Variants in SYNPO2 observed in about 807,000 individuals in gnomAD.
SYNPO2 encodes the protein synaptopodin 2.
Under a neutral mutation model 85.0 loss-of-function variants are expected in SYNPO2, and 56 were observed. That is an observed-to-expected ratio of 0.66 (90% confidence interval 0.53 to 0.82). The LOEUF (loss-of-function observed/expected upper bound fraction) is 0.82, where lower values mean the gene tolerates loss of function less well. Ranked by LOEUF, SYNPO2 falls within the 40% of genes least tolerant of loss-of-function variation. SYNPO2 has a pLI of 0.00. For missense variants in SYNPO2, 1,575 were observed against 1,534.2 expected (o/e 1.03, Z -0.44); for synonymous variants, 602 against 591.1 (o/e 1.02, Z -0.27).
intron 1 of SYNPO2, among the ~76,000 whole-genome samples, chr4:119,010,467 G>T (rs773500262): frequency 3.1e-4 from 47 of 152,098 alleles, no homozygotes; most frequent in Non-Finnish European, 4.6e-4. Context: ...ACAATATGGG[G>T]GAACTACCCC....
chr4:119,047,689 T>A (rs2149199174), intron 4 of SYNPO2, among the ~76,000 whole-genome samples: 1 of 152,308 alleles, frequency 6.6e-6, no homozygotes, highest in Admixed American at 6.5e-5. Flanking sequence ...CTAAACCACC[T>A]CAAGGGAGCG....
intron 1 of SYNPO2, among the ~76,000 whole-genome samples, chr4:118,993,171 G>A (rs72671652): frequency 0.34 from 52,302 of 151,790 alleles, 9,065 homozygotes; most frequent in Admixed American, 0.4. Flanking sequence ...TCTGATTTTC[G>A]GAATTAATTA....
At chr4:119,034,536 G>A (rs1457989340) in intron 4 of SYNPO2, 2 of 985,500 alleles carry the variant, frequency 2.0e-6, no homozygotes, top group East Asian at 1.1e-4. Context: ...CTTGTAAGAG[G>A]CATGTCAGGC....
At chr4:118,994,563 G>A (rs941086474) in intron 1 of SYNPO2, among the ~76,000 whole-genome samples, 7 of 152,128 alleles carry the variant, frequency 4.6e-5, no homozygotes, top group African/African-American at 1.7e-4. Context: ...GAATCGCTGA[G>A]TTTGAGTACT....
Position 119,034,224 on chromosome 4 carries a change from T to G in SYNPO2, c.3252+2197T>G, listed in dbSNP as rs572233644. 3 of 985,464 alleles carry G rather than the reference T, an allele frequency of 3.0e-6. No individual in the cohort carries two copies. The Admixed American group carries it at 1.8e-4, about 61-fold the overall frequency. 61.0% of individuals were successfully genotyped at this position (985,464 alleles called of 1,614,324 possible). ...GGTGCAGCAGGAAAAAAGATCATTT[T>G]TATAGCTTTGCATTCTTAACATAGC... is the stretch of plus-strand genomic sequence containing the variant. On this transcript the variant is annotated intron_variant, in intron 4 of 4. Transcript: ENST00000307142.
chr4:119,031,166 A>G lies in SYNPO2; in HGVS notation c.2391A>G (p.Pro797=). Residue 797 remains proline, a synonymous_variant, in exon 4 of 5, where the codon CCA becomes CCG. Coordinates refer to ENST00000307142, the MANE Select transcript of SYNPO2 (RefSeq NM_133477.3). ...CTCCTGCCTTCCCCACATCCAACCC[A>G]TCAAAGGGCACCGTTGTCTCCTCCA... is the stretch of plus-strand genomic sequence containing the variant. ...TQPPAFPTSN[P]SKGTVVSSIK... The G allele has an allele frequency of 6.2e-7, 1 of 1,613,900 alleles. No individual in the cohort carries two copies. Among genetic ancestry groups the G allele is most frequent in the Non-Finnish European group, 8.5e-7 (1 of 1,179,972 alleles).
chr4:118,914,090 G>C (rs1733231174), intron 1 of SYNPO2, among the ~76,000 whole-genome samples: 1 of 152,190 alleles, frequency 6.6e-6, no homozygotes, highest in South Asian at 2.1e-4. Context: ...GGATGGTGGG[G>C]TCAGGAGAGG....
At chr4:118,917,696 C>A (rs1733397861) in intron 1 of SYNPO2, among the ~76,000 whole-genome samples, 1 of 152,112 alleles carries the variant, frequency 6.6e-6, no homozygotes, top group South Asian at 2.1e-4. Context: ...GACTTCCAGG[C>A]AGCAATGCTA....
chr4:118,997,623 G>T (rs1736668737), intron 1 of SYNPO2, among the ~76,000 whole-genome samples: 2 of 152,358 alleles, frequency 1.3e-5, no homozygotes, highest in South Asian at 4.1e-4. Flanking sequence ...TGAGTTGAAA[G>T]ATTCAATAGT....
intron 1 of SYNPO2, among the ~76,000 whole-genome samples, chr4:118,929,218 G>C (rs1210978667): frequency 6.6e-6 from 1 of 151,998 alleles, no homozygotes; most frequent in Non-Finnish European, 1.5e-5. Flanking sequence ...AGAGGAAGTG[G>C]AAGAGCAGAA....
chr4:118,930,783 T>C (rs913032485), intron 1 of SYNPO2, among the ~76,000 whole-genome samples: 4 of 150,254 alleles, frequency 2.7e-5, no homozygotes, highest in Admixed American at 2.7e-4. Context: ...AGCCAGGCAT[T>C]GTGGCACAGC....
intron 4 of SYNPO2, among the ~76,000 whole-genome samples, chr4:119,056,145 A>G (rs1298371771): frequency 6.6e-6 from 1 of 152,224 alleles, no homozygotes; most frequent in Non-Finnish European, 1.5e-5. Flanking sequence ...TATCTCACAC[A>G]GCCTCATGCA....
In SYNPO2 at chr4:119,030,577, C is replaced by A. The variant is rs750266819; in HGVS notation, c.1802C>A (p.Thr601Asn). Reference sequence around the variant, plus strand: ...CCAGGGTCTGTGAATCAGCCAGCTACCCCCTTCTCGCCAACCCGAAACATG... The same window carrying A: ...CCAGGGTCTGTGAATCAGCCAGCTAACCCCTTCTCGCCAACCCGAAACATG... ...PFPGSVNQPATPFSPTRNMTS... is the reference protein window; with the variant it reads ...PFPGSVNQPANPFSPTRNMTS... The change falls in exon 4 of 5, where the codon ACC becomes AAC. Residue 601 changes from threonine to asparagine, a missense_variant. Around this residue, in one of 3 missense-constraint regions of SYNPO2, gnomAD observed 1,508 missense variants for 1,446.8 expected, o/e 1.04. Transcript: ENST00000307142. 2.5e-5 allele frequency: 40 copies of A among 1,614,006 alleles called. No homozygotes were observed. The highest frequency in any genetic ancestry group is 3.1e-5 in the Non-Finnish European group (37 of 1,180,024).
chr4:118,945,430 A>C (rs911730882), intron 1 of SYNPO2, among the ~76,000 whole-genome samples: 5 of 152,210 alleles, frequency 3.3e-5, no homozygotes, highest in Admixed American at 3.3e-4. Context: ...CACACTAACT[A>C]TATCTTAGGC....
At position 119,019,159 on chromosome 4, in the gene SYNPO2, G is replaced by A. The variant is rs79300890; in HGVS notation, c.106-4271G>A. Among the ~76,000 whole-genome samples the A allele has an allele frequency of 7.8e-3, 1,186 of 152,144 alleles. 17 individuals are homozygous for A. The highest frequency in any genetic ancestry group is 0.027 in the African/African-American group (1,123 of 41,496). On this transcript the variant is annotated intron_variant, in intron 1 of 4. Coordinates refer to ENST00000307142, the MANE Select transcript of SYNPO2 (RefSeq NM_133477.3). ...GCAGTAATGTGTACAACAACCCCCC[G>A]TGACACGTGTTTACCTCTGTAACAA...
intron 1 of SYNPO2, among the ~76,000 whole-genome samples, chr4:118,873,407 G>A (rs1731839127): frequency 6.6e-6 from 1 of 151,976 alleles, no homozygotes; most frequent in Non-Finnish European, 1.5e-5. Flanking sequence ...ATTCATGTAA[G>A]ATAATATCTT....
At chr4:119,022,902 G>A (rs1367374833) in intron 1 of SYNPO2, among the ~76,000 whole-genome samples, 1 of 151,610 alleles carries the variant, frequency 6.6e-6, no homozygotes, top group Non-Finnish European at 1.5e-5. Context: ...TCAGCCTCCT[G>A]AGTAGCTTGG....
chr4:119,003,661 A>G (rs1166876999), intron 1 of SYNPO2, among the ~76,000 whole-genome samples: 5 of 152,142 alleles, frequency 3.3e-5, no homozygotes, highest in Admixed American at 6.5e-5. Context: ...CCCTCCCAGT[A>G]TAGTCTCTAT....
chr4:118,944,671 T>C (rs1734437113), intron 1 of SYNPO2, among the ~76,000 whole-genome samples: 1 of 152,228 alleles, frequency 6.6e-6, no homozygotes, highest in African/African-American at 2.4e-5. Context: ...AAAACTTTAA[T>C]CCATCATGCT....
Sources: gnomAD v4.1 joint callset for allele counts (sites outside exome capture counted in the v4.1 genomes callset) on GRCh38, gnomAD v4.1.1 for gene constraint, gnomAD v4.1.1 regional missense constraint, MANE v1.5 for transcripts, NCBI Gene and HGNC (gene_info 2026-07-23, HGNC 2026-07-21) for gene names.